Variants in PRICKLE2 observed in about 807,000 individuals in gnomAD.
The protein encoded by PRICKLE2 is prickle-like protein 2.
Under a neutral mutation model 81.4 loss-of-function variants are expected in PRICKLE2, and 21 were observed. The observed-to-expected ratio is 0.26, with a 90% CI of 0.18 to 0.37. The LOEUF is 0.37. PRICKLE2 is among the 10% of genes least tolerant of loss of function. PRICKLE2 has a pLI of 1.00. For synonymous variants in PRICKLE2, 456 were observed against 421.5 expected (o/e 1.08, Z -1.00); for missense variants, 940 against 1,109.0 (o/e 0.85, Z 2.16).
chr3:64,152,013 C>A (rs567388694), intron 6 of PRICKLE2, among the ~76,000 whole-genome samples: 1 of 152,214 alleles, frequency 6.6e-6, no homozygotes, highest in Admixed American at 6.5e-5. Context: ...AATGACAAAG[C>A]ACCGTTGAGC....
chr3:64,197,390 G>A (rs779302365), intron 2 of PRICKLE2, among the ~76,000 whole-genome samples: 13 of 152,058 alleles, frequency 8.5e-5, no homozygotes, highest in East Asian at 7.7e-4. Context: ...ATGTATAAGC[G>A]TTCCTTTAAG....
chr3:64,248,225 T>C (rs1269323740), intron 2 of PRICKLE2, among the ~76,000 whole-genome samples: 2 of 152,234 alleles, frequency 1.3e-5, no homozygotes, highest in Non-Finnish European at 2.9e-5. Context: ...TGATCTGTCT[T>C]GGCAGCAAAT....
Position 64,159,873 on chromosome 3 carries a change from T to G in PRICKLE2, c.396+67A>C, listed in dbSNP as rs1575603107. On this transcript the variant is annotated intron_variant, in intron 4 of 7. Coordinates refer to ENST00000638394, the MANE Select transcript of PRICKLE2 (RefSeq NM_198859.4). ...TAGTAGGCACTCAGTAAAACAATTG[T>G]TGGATGAATGAATGGGTGAAAAGAT... 3 of 1,602,152 alleles carry G rather than the reference T, an allele frequency of 1.9e-6. No homozygotes were observed. The East Asian group carries it at 6.7e-5, about 36-fold the overall frequency.
At chr3:64,162,800 C>T (rs983870802) in intron 3 of PRICKLE2, among the ~76,000 whole-genome samples, 1 of 152,180 alleles carries the variant, frequency 6.6e-6, no homozygotes, top group Admixed American at 6.5e-5. Flanking sequence ...GGCATAGAGG[C>T]CAATCCAGTT....
intron 1 of PRICKLE2, among the ~76,000 whole-genome samples, chr3:64,201,137 G>A (rs1376580685): frequency 1.3e-5 from 2 of 151,416 alleles, no homozygotes; most frequent in African/African-American, 2.4e-5. Flanking sequence ...CACCATATTA[G>A]CCAGGATGGT....
intron 2 of PRICKLE2, among the ~76,000 whole-genome samples, chr3:64,239,793 T>C (rs889654516): frequency 1.3e-5 from 2 of 151,878 alleles, no homozygotes; most frequent in Middle Eastern, 3.4e-3. Context: ...TCGATTTCCT[T>C]TTTCTTTTAT....
intron 2 of PRICKLE2, among the ~76,000 whole-genome samples, chr3:64,177,535 T>C (rs1030973079): frequency 1.3e-5 from 2 of 152,166 alleles, no homozygotes; most frequent in Non-Finnish European, 1.5e-5. Context: ...TTCATCATGT[T>C]AAACAGAAAC....
chr3:64,160,371 C>T (rs1246587196), intron 3 of PRICKLE2, among the ~76,000 whole-genome samples: 1 of 152,190 alleles, frequency 6.6e-6, no homozygotes, highest in African/African-American at 2.4e-5. Flanking sequence ...CTCTGCTCAC[C>T]ATGTTAAGAT....
At chr3:64,101,723 A>AG (rs1382903049) in intron 7 of PRICKLE2, 1 of 152,258 alleles carries the variant, frequency 6.6e-6, no homozygotes, top group Non-Finnish European at 1.5e-5. Flanking sequence ...ACAAGAAGGA[A>AG]GGGGGTGCCA....
intron 7 of PRICKLE2, among the ~76,000 whole-genome samples, chr3:64,140,728 G>C (rs2077348552): frequency 6.6e-6 from 1 of 152,116 alleles, no homozygotes; most frequent in South Asian, 2.1e-4. Flanking sequence ...ATCTCTGCTT[G>C]TCTGCCTTGT....
At chr3:64,256,728 A>T (rs1441613603) in intron 2 of PRICKLE2, among the ~76,000 whole-genome samples, 1 of 152,126 alleles carries the variant, frequency 6.6e-6, no homozygotes, top group Non-Finnish European at 1.5e-5. Context: ...TCCAGAGTCA[A>T]CCTCACCCCT....
intron 2 of PRICKLE2, among the ~76,000 whole-genome samples, chr3:64,165,635 G>A (rs2077816826): frequency 6.6e-6 from 1 of 152,096 alleles, no homozygotes; most frequent in Non-Finnish European, 1.5e-5. Flanking sequence ...CCACCTCAGA[G>A]TAGCAGGAAC....
intron 2 of PRICKLE2, among the ~76,000 whole-genome samples, chr3:64,193,918 T>G (rs1337619407): frequency 6.6e-6 from 1 of 152,250 alleles, no homozygotes; most frequent in Non-Finnish European, 1.5e-5. Context: ...CTCTTTCCTT[T>G]GTAAATTGTC....
At chr3:64,104,207 G>A (rs971581057) in intron 7 of PRICKLE2, among the ~76,000 whole-genome samples, 4 of 152,102 alleles carry the variant, frequency 2.6e-5, no homozygotes, top group African/African-American at 7.2e-5. Context: ...CATAAAAGCC[G>A]ATTTACAACA....
intron 2 of PRICKLE2, among the ~76,000 whole-genome samples, chr3:64,193,758 C>T (rs1000349306): frequency 1.2e-4 from 18 of 152,106 alleles, no homozygotes; most frequent in African/African-American, 3.1e-4. Flanking sequence ...GTAAGTCTCA[C>T]GAGATCTGAT....
At chr3:64,123,446 T>C (rs1338790478) in intron 7 of PRICKLE2, among the ~76,000 whole-genome samples, 1 of 152,212 alleles carries the variant, frequency 6.6e-6, no homozygotes, top group African/African-American at 2.4e-5. Context: ...AGATTAGTGA[T>C]GCTCAACTGG....
intron 7 of PRICKLE2, among the ~76,000 whole-genome samples, chr3:64,124,949 T>C (rs746163406): frequency 2.6e-5 from 4 of 152,206 alleles, no homozygotes; most frequent in South Asian, 4.1e-4. Flanking sequence ...GCTGCATCAA[T>C]AGTGATTCCT....
At chr3:64,206,040 C>T (rs2078681873) in intron 1 of PRICKLE2, among the ~76,000 whole-genome samples, 1 of 152,176 alleles carries the variant, frequency 6.6e-6, no homozygotes, top group Admixed American at 6.5e-5. Context: ...AATATAGAGG[C>T]TATTAACGGC....
In PRICKLE2 at chr3:64,147,431, G is replaced by C; in HGVS notation, c.1059C>G (p.Asn353Lys). The change falls in exon 7 of 8, where the codon AAC becomes AAG. Residue 353 changes from asparagine (N) to lysine (K), a missense_variant. Around this residue, in one of 2 missense-constraint regions of PRICKLE2, gnomAD observed 670 missense variants for 717.2 expected, o/e 0.93. Coordinates refer to ENST00000638394, the MANE Select transcript of PRICKLE2 (RefSeq NM_198859.4). The surrounding 1 kb of genome is among the most constrained non-coding windows in gnomAD (Gnocchi z 5.0). ...NKGKTEEPML[N>K]QHSQLQVSSN... ...AACTCACTTGCAGCTGGCTGTGCTG[G>C]TTCAGCATGGGCTCCTCCGTCTTGC... 1 of 1,614,256 alleles carries C rather than the reference G, an allele frequency of 6.2e-7. No individual in the cohort carries two copies. The highest frequency in any genetic ancestry group is 1.1e-5 in the South Asian group (1 of 91,092).
Sources: gnomAD v4.1 joint callset for allele counts (sites outside exome capture counted in the v4.1 genomes callset) on GRCh38, gnomAD v4.1.1 for gene constraint, gnomAD v4.1.1 regional missense constraint, Gnocchi (gnomAD v3.1) non-coding constraint, MANE v1.5 for transcripts, NCBI Gene and HGNC (gene_info 2026-07-23, HGNC 2026-07-21) for gene names.